AFG2A: variants seen among roughly 807,000 people sequenced by gnomAD.
AFG2A encodes AAA ATPase AFG2A.
the AFG2A span, among the ~76,000 whole-genome samples, chr4:122,980,688 T>C: frequency 2.0e-5 from 3 of 152,204 alleles, no homozygotes; most frequent in Admixed American, 6.5e-5. Flanking sequence ...ATGGCCTTCC[T>C]AACAGATGTG....
chr4:122,946,137 A>T, the AFG2A span, among the ~76,000 whole-genome samples: 4 of 152,244 alleles, frequency 2.6e-5, no homozygotes, highest in Non-Finnish European at 5.9e-5. Flanking sequence ...TTGTCCATTT[A>T]CAGTAAGAGA....
chr4:123,231,254 A>C, the AFG2A span, among the ~76,000 whole-genome samples: 1 of 151,948 alleles, frequency 6.6e-6, no homozygotes, highest in Admixed American at 6.6e-5. Flanking sequence ...ACCTTCCTCA[A>C]TTACCTTAGC....
chr4:123,255,499 A>AG, the AFG2A span, among the ~76,000 whole-genome samples: 2 of 104,266 alleles, frequency 1.9e-5, no homozygotes, highest in Non-Finnish European at 4.8e-5. Flanking sequence ...TGTCTCAAAA[A>AG]GAAAAAAAAA....
At chr4:123,007,606 GTGTA>G in the AFG2A span, among the ~76,000 whole-genome samples, 9,223 of 29,536 alleles carry the variant, frequency 0.31, 736 homozygotes, top group South Asian at 0.5. Context: ...GTGTGTGTGT[GTGTA>G]TATATATATA....
chr4:123,314,145 A>C, the AFG2A span: 5 of 1,300,428 alleles, frequency 3.8e-6, no homozygotes, highest in Non-Finnish European at 5.1e-6. Flanking sequence ...GAGTGTTAAA[A>C]AAAATTTTAC....
chr4:123,099,726 C>G, the AFG2A span, among the ~76,000 whole-genome samples: 4 of 151,676 alleles, frequency 2.6e-5, no homozygotes, highest in Non-Finnish European at 5.9e-5. Context: ...CATTTTCTTC[C>G]ACTAAATACT....
the AFG2A span, chr4:123,314,106 A>G: frequency 1.4e-6 from 2 of 1,447,138 alleles, no homozygotes. Flanking sequence ...CTTTCCAGAG[A>G]AAATTTGTTT....
the AFG2A span, among the ~76,000 whole-genome samples, chr4:123,117,870 T>A: frequency 6.6e-6 from 1 of 151,632 alleles, no homozygotes. Context: ...TTTTTTTTTT[T>A]AACTAAGGGA....
At chr4:123,220,767 A>G in the AFG2A span, among the ~76,000 whole-genome samples, 1 of 152,124 alleles carries the variant, frequency 6.6e-6, no homozygotes, top group Non-Finnish European at 1.5e-5. Context: ...AAACTTCTTC[A>G]GCTTATAATG....
the AFG2A span, among the ~76,000 whole-genome samples, chr4:123,132,565 G>A: frequency 5.3e-4 from 74 of 140,758 alleles, 1 homozygote; most frequent in African/African-American, 1.6e-3. Flanking sequence ...TTCATTGATA[G>A]AAGAATGGAC....
At chr4:123,216,990 G>A in the AFG2A span, among the ~76,000 whole-genome samples, 1 of 152,008 alleles carries the variant, frequency 6.6e-6, no homozygotes, top group Non-Finnish European at 1.5e-5. Context: ...TTTAATTAAT[G>A]TTAATCAACA....
the AFG2A span, among the ~76,000 whole-genome samples, chr4:123,013,560 C>T: frequency 2.0e-5 from 3 of 152,220 alleles, no homozygotes; most frequent in East Asian, 5.8e-4. Flanking sequence ...AACACATGGA[C>T]ACAGGGAGGG....
the AFG2A span, among the ~76,000 whole-genome samples, chr4:123,282,985 T>C: frequency 6.6e-6 from 1 of 152,136 alleles, no homozygotes; most frequent in African/African-American, 2.4e-5. Context: ...ATGATTTTGC[T>C]TCACAAAAAC....
At chr4:122,940,255 A>T in the AFG2A span, among the ~76,000 whole-genome samples, 10 of 152,002 alleles carry the variant, frequency 6.6e-5, no homozygotes, top group African/African-American at 2.4e-4. Flanking sequence ...CCAACAGTGT[A>T]AAAGTGTTCC....
the AFG2A span, among the ~76,000 whole-genome samples, chr4:123,295,102 C>A: frequency 6.6e-6 from 1 of 152,336 alleles, no homozygotes; most frequent in South Asian, 2.1e-4. Flanking sequence ...TTTACCATTA[C>A]AACAGAGTAT....
chr4:123,101,612 G>A, the AFG2A span, among the ~76,000 whole-genome samples: 5 of 151,820 alleles, frequency 3.3e-5, no homozygotes, highest in African/African-American at 4.8e-5. Flanking sequence ...TGTGATATTA[G>A]ACTTATTGTA....
chr4:122,994,893 A>T, the AFG2A span, among the ~76,000 whole-genome samples: 1 of 152,152 alleles, frequency 6.6e-6, no homozygotes, highest in Non-Finnish European at 1.5e-5. Context: ...TCTTAATTAT[A>T]TGAATAATCA....
At chr4:123,153,918 A>G in the AFG2A span, among the ~76,000 whole-genome samples, 69,308 of 152,140 alleles carry the variant, frequency 0.46, 19,302 homozygotes, top group Non-Finnish European at 0.61. Context: ...GCTGTCTTTA[A>G]AGTTCTTAAA....
chr4:123,007,566 A>G, the AFG2A span, among the ~76,000 whole-genome samples: 4,594 of 40,058 alleles, frequency 0.11, 365 homozygotes, highest in African/African-American at 0.28. Context: ...GTGTGTGTGT[A>G]TATGTGTGTG....
Sources: gnomAD v4.1 joint callset for allele counts (sites outside exome capture counted in the v4.1 genomes callset) on GRCh38, gnomAD v4.1.1 for gene constraint, MANE v1.5 for transcripts, NCBI Gene and HGNC (gene_info 2026-07-23, HGNC 2026-07-21) for gene names.